Variants in IQGAP1 observed in about 807,000 individuals in gnomAD.
The protein encoded by IQGAP1 is IQ motif containing GTPase activating protein 1.
IQGAP1 carries 66 observed loss-of-function variants against 215.6 expected under a neutral mutation model. The observed-to-expected ratio is 0.31, with a 90% CI of 0.25 to 0.38. The LOEUF (loss-of-function observed/expected upper bound fraction) is 0.38. IQGAP1 is among the 10% of genes least tolerant of loss of function. The probability of loss-of-function intolerance (pLI) is 1.00; values close to 1 mark genes in which losing one functional copy is unlikely to be tolerated. For synonymous variants in IQGAP1, 772 were observed against 728.7 expected (o/e 1.06, Z -0.96); for missense variants, 1,712 against 1,997.1 (o/e 0.86, Z 2.72).
chr15:90,491,363 C>T lies in IQGAP1; in HGVS notation c.4279C>T (p.Arg1427Cys), dbSNP rs1313617102. The change falls in exon 34 of 38, where the codon CGT becomes TGT. Residue 1427 changes from arginine (R) to cysteine (C), a missense_variant. Physicochemically the swap from Arg to Cys is radical, Grantham distance 180 (BLOSUM62 -3). Around this residue, in one of 2 missense-constraint regions of IQGAP1, gnomAD observed 691 missense variants for 923.0 expected, o/e 0.75. Transcript: ENST00000268182. ...EAEHQRAMQR[R>C]AIRDAKTPDK... is the part of the protein sequence containing the mutation. ...AGAACATCAGAGAGCCATGCAGAGA[C>T]GTGCTATCCGTGATGCCAAAACACC... The T allele has an allele frequency of 1.2e-6, 2 of 1,614,032 alleles. No individual in the cohort carries two copies. Among genetic ancestry groups the T allele is most frequent in the Non-Finnish European group, 1.7e-6 (2 of 1,179,992 alleles).
intron 2 of IQGAP1, among the ~76,000 whole-genome samples, chr15:90,411,712 A>G (rs1964968565): frequency 6.6e-6 from 1 of 152,216 alleles, no homozygotes; most frequent in African/African-American, 2.4e-5. Context: ...CTTAGCTATC[A>G]TCTAGATTTA....
chr15:90,487,566 C>T lies in IQGAP1; in HGVS notation c.4232C>T (p.Pro1411Leu), dbSNP rs1966144297. The T allele has an allele frequency of 4.3e-6, 7 of 1,613,330 alleles. No individual in the cohort carries two copies. Among genetic ancestry groups the T allele is most frequent in the Non-Finnish European group, 4.2e-6 (5 of 1,179,326 alleles). The change falls in exon 33 of 38, where the codon CCA becomes CTA. Residue 1411 changes from proline to leucine, a missense_variant. Physicochemically the swap from Pro to Leu is moderately conservative, Grantham distance 98. Coordinates refer to ENST00000268182, the MANE Select transcript of IQGAP1 (RefSeq NM_003870.4). ...ACCTTGACTGAAATCCTAGAAACAC[C>T]AGCCACCAGTGAACAGGTAAAATTT... ...GETLTEILET[P>L]ATSEQEAEHQ...
chr15:90,490,631 T>C (rs1966190276), intron 33 of IQGAP1, among the ~76,000 whole-genome samples: 1 of 152,172 alleles, frequency 6.6e-6, no homozygotes. Flanking sequence ...CTTGTTGTAT[T>C]AGTATAGTTA....
Position 90,466,294 on chromosome 15 carries a change from T to C in IQGAP1, c.1893T>C (p.Asn631=), listed in dbSNP as rs60039984. ...QKFALGIFAI[N]EAVESGDVGK... is the part of the protein sequence containing the mutation. ...TTGCCTTAGGAATCTTTGCCATTAA[T>C]GAGGCAGTAGAAAGTGGTGATGTTG... Residue 631 remains asparagine (N), a synonymous_variant, in exon 17 of 38, where the codon AAT becomes AAC. Coordinates refer to ENST00000268182, the MANE Select transcript of IQGAP1 (RefSeq NM_003870.4). 9.8e-4 allele frequency: 1,574 copies of C among 1,614,180 alleles called. 17 individuals are homozygous for C. The African/African-American group carries it at 0.019, about 20-fold the overall frequency.
chr15:90,436,988 T>C (rs1040240837), intron 5 of IQGAP1, among the ~76,000 whole-genome samples: 34 of 152,224 alleles, frequency 2.2e-4, no homozygotes, highest in Admixed American at 1.9e-3. Context: ...TCCGTTCTTG[T>C]ACTGCTATAA....
chr15:90,492,605 C>G lies in IQGAP1; in HGVS notation c.4522C>G (p.Gln1508Glu). 6.2e-7 allele frequency: 1 copy of G among 1,613,806 alleles called. No homozygotes were observed. Among genetic ancestry groups the G allele is most frequent in the Non-Finnish European group, 8.5e-7 (1 of 1,179,876 alleles). Residue 1508 changes from glutamine (Q) to glutamate (E), a missense_variant, in exon 35 of 38, where the codon CAG (glutamine) becomes GAG (glutamate). This residue lies in a region of IQGAP1 where 691 missense variants were observed against 923.0 expected (regional missense o/e 0.75). Transcript: ENST00000268182. ...RRKAELVKLQ[Q>E]TYAALNSKAT... ...AAAGGCCGAACTAGTGAAACTGCAA[C>G]AGACATACGCTGCTCTGAACTCTAA...
chr15:90,390,457 C>G (rs1240936743), intron 1 of IQGAP1, among the ~76,000 whole-genome samples: 3 of 152,204 alleles, frequency 2.0e-5, no homozygotes, highest in African/African-American at 2.4e-5. Context: ...ACAATATTAT[C>G]AGATCTGTAT....
chr15:90,435,676 T>C (rs1450148522), intron 5 of IQGAP1, among the ~76,000 whole-genome samples: 3 of 152,210 alleles, frequency 2.0e-5, no homozygotes, highest in African/African-American at 7.2e-5. Context: ...CAGTGTAACC[T>C]GGGTTCCAGG....
chr15:90,419,030 C>A (rs1965094314), intron 2 of IQGAP1, among the ~76,000 whole-genome samples: 1 of 151,772 alleles, frequency 6.6e-6, no homozygotes, highest in Non-Finnish European at 1.5e-5. Flanking sequence ...GCTTGTGACC[C>A]CAGCTTCTTG....
intron 11 of IQGAP1, 49 bp from the exon 12 acceptor site, chr15:90,452,726 T>C: frequency 6.3e-7 from 1 of 1,585,220 alleles, no homozygotes; most frequent in Non-Finnish European, 8.6e-7. Context: ...CTTCTTCCCC[T>C]GAGGGCTCTC....
At chr15:90,489,451 A>G (rs1361267855) in intron 33 of IQGAP1, among the ~76,000 whole-genome samples, 2 of 152,116 alleles carry the variant, frequency 1.3e-5, no homozygotes, top group Non-Finnish European at 2.9e-5. Flanking sequence ...CTCATTTGTC[A>G]AGTAAGGAAA....
chr15:90,470,595 T>C (rs1014997487), intron 18 of IQGAP1, among the ~76,000 whole-genome samples: 2 of 152,146 alleles, frequency 1.3e-5, no homozygotes, highest in Non-Finnish European at 2.9e-5. Flanking sequence ...CCATGGAATT[T>C]CCCTGATCTG....
chr15:90,407,246 C>T (rs1964892662), intron 2 of IQGAP1, among the ~76,000 whole-genome samples: 1 of 151,980 alleles, frequency 6.6e-6, no homozygotes, highest in African/African-American at 2.4e-5. Flanking sequence ...AAAGGGTCTA[C>T]CAATTATGAT....
intron 2 of IQGAP1, among the ~76,000 whole-genome samples, chr15:90,405,717 A>G (rs1216099866): frequency 6.6e-6 from 1 of 150,400 alleles, no homozygotes; most frequent in Non-Finnish European, 1.5e-5. Flanking sequence ...TATTCCTCAA[A>G]CCTACTTTAT....
chr15:90,491,305 GC>G (rs1567144204), intron 33 of IQGAP1, 27 bp from the exon 34 acceptor site: 1 of 1,595,752 alleles, frequency 6.3e-7, no homozygotes, highest in Non-Finnish European at 8.6e-7. Flanking sequence ...TGGTAAACTT[GC>G]TAAGAACTTC....
At chr15:90,450,059 T>C (rs1222877518) in intron 11 of IQGAP1, among the ~76,000 whole-genome samples, 4 of 152,210 alleles carry the variant, frequency 2.6e-5, no homozygotes, top group Non-Finnish European at 4.4e-5. Flanking sequence ...ACTATCATCA[T>C]CCTACTGTGC....
chr15:90,421,364 C>G (rs559695808), intron 2 of IQGAP1, among the ~76,000 whole-genome samples: 1 of 151,472 alleles, frequency 6.6e-6, no homozygotes, highest in East Asian at 1.9e-4. Context: ...TAATCCCAGC[C>G]ACTTGGGAGG....
chr15:90,443,684 T>G (rs1028047638), intron 9 of IQGAP1, among the ~76,000 whole-genome samples: 1 of 152,210 alleles, frequency 6.6e-6, no homozygotes, highest in African/African-American at 2.4e-5. Flanking sequence ...GTTCCTACAC[T>G]GACAGTAGCA....
At chr15:90,388,463 C>G in intron 1 of IQGAP1, 67 bp downstream of exon 1, 6 of 829,046 alleles carry the variant, frequency 7.2e-6, no homozygotes, top group Non-Finnish European at 1.0e-5. Context: ...CGCGATTTTC[C>G]TGGGGGCTCG....
Sources: allele counts gnomAD v4.1 joint callset (sites outside exome capture counted in the v4.1 genomes callset), GRCh38; gene constraint gnomAD v4.1.1; regional missense constraint gnomAD v4.1.1; transcripts MANE v1.5; gene names NCBI Gene and HGNC (gene_info 2026-07-23, HGNC 2026-07-21).